Variants in PIBF1 observed in about 807,000 individuals in gnomAD.
PIBF1 encodes the protein progesterone immunomodulatory binding factor 1.
Under a neutral mutation model 112.5 loss-of-function variants are expected in PIBF1, and 90 were observed. The observed-to-expected ratio is 0.80, with a 90% CI of 0.67 to 0.95. The LOEUF (loss-of-function observed/expected upper bound fraction) is 0.95, where lower values mean the gene tolerates loss of function less well. Among genes scored for constraint, PIBF1 ranks in the 40% least tolerant of loss-of-function variants. The pLI is 0.00. For synonymous variants in PIBF1, 301 were observed against 288.6 expected, an observed-to-expected ratio of 1.04 and a Z score of -0.44; for missense variants, 915 against 852.3, an observed-to-expected ratio of 1.07 and a Z score of -0.92.
intron 13 of PIBF1, among the ~76,000 whole-genome samples, chr13:72,922,436 A>T (rs2041331263): frequency 6.6e-6 from 1 of 152,070 alleles, no homozygotes. Flanking sequence ...AGCAAACATG[A>T]TTTTCTAGTT....
chr13:72,802,306 A>G (rs1345761005), intron 5 of PIBF1, among the ~76,000 whole-genome samples: 1 of 152,188 alleles, frequency 6.6e-6, no homozygotes, highest in African/African-American at 2.4e-5. Flanking sequence ...AGTATTTTAA[A>G]ACCTTCCTGT....
At position 72,925,542 on chromosome 13, in the gene PIBF1, C is replaced by CTTTT. The variant is rs59074858; in HGVS notation, c.1731-5605_1731-5602dup. ...TTTTTTTCCTTTTTTCTTTCTCTCTCTTTTTTTTTTTTTTTTTTTTTGAGA... is the reference window on the plus strand; with the variant it reads ...TTTTTTTCCTTTTTTCTTTCTCTCTCTTTTTTTTTTTTTTTTTTTTTTTTTGAGA... On this transcript the variant is annotated intron_variant, in intron 13 of 17. Coordinates refer to ENST00000326291, the MANE Select transcript of PIBF1 (RefSeq NM_006346.4). Among the ~76,000 whole-genome samples the CTTTT allele has an allele frequency of 7.3e-3, 743 of 102,008 alleles. 6 individuals are homozygous for CTTTT. Among genetic ancestry groups the CTTTT allele is most frequent in the African/African-American group, 0.013 (352 of 26,578 alleles). The allele number at this position is 102,008 out of a possible 152,430, so 66.9% of individuals were successfully genotyped here.
chr13:72,887,679 T>C (rs2039909611), intron 10 of PIBF1, among the ~76,000 whole-genome samples: 1 of 152,066 alleles, frequency 6.6e-6, no homozygotes, highest in Non-Finnish European at 1.5e-5. Context: ...GTAAAATTAA[T>C]TTTTAAGTTG....
At chr13:72,902,556 A>G (rs1408569297) in intron 11 of PIBF1, among the ~76,000 whole-genome samples, 1 of 152,190 alleles carries the variant, frequency 6.6e-6, no homozygotes, top group Non-Finnish European at 1.5e-5. Context: ...GGAAAGAAAA[A>G]AAGCTGATCC....
At chr13:72,906,050 TGTA>T (rs966645243) in intron 11 of PIBF1, among the ~76,000 whole-genome samples, 2 of 152,266 alleles carry the variant, frequency 1.3e-5, no homozygotes, top group African/African-American at 2.4e-5. Context: ...TTAAGAATAA[TGTA>T]GTATCATAGT....
intron 10 of PIBF1, among the ~76,000 whole-genome samples, chr13:72,855,009 T>A (rs1056996069): frequency 2.0e-5 from 3 of 152,214 alleles, no homozygotes; most frequent in African/African-American, 7.2e-5. Flanking sequence ...TTCAATTGTT[T>A]GACTGCATAG....
At chr13:72,916,102 T>C (rs2041082701) in intron 12 of PIBF1, among the ~76,000 whole-genome samples, 1 of 152,002 alleles carries the variant, frequency 6.6e-6, no homozygotes, top group Admixed American at 6.6e-5. Context: ...GATGAAATGT[T>C]TTTTGGCCAG....
At chr13:72,906,115 A>G (rs946366267) in intron 11 of PIBF1, among the ~76,000 whole-genome samples, 1 of 152,124 alleles carries the variant, frequency 6.6e-6, no homozygotes, top group African/African-American at 2.4e-5. Context: ...GACAATTCTT[A>G]TTTATAATTA....
intron 16 of PIBF1, among the ~76,000 whole-genome samples, chr13:72,991,807 C>G (rs556578227): frequency 2.6e-4 from 39 of 152,166 alleles, no homozygotes; most frequent in Admixed American, 5.2e-4. Flanking sequence ...CAACCTCCAC[C>G]TCCCGGATTC....
At chr13:72,897,497 A>G (rs1390787449) in intron 11 of PIBF1, among the ~76,000 whole-genome samples, 6 of 152,204 alleles carry the variant, frequency 3.9e-5, no homozygotes, top group African/African-American at 1.4e-4. Context: ...AATGGCCTAA[A>G]TGCTCCACTT....
chr13:72,844,750 C>CACACACACGGATGAAGTCTTACTGTTT (rs2037765937), intron 9 of PIBF1, among the ~76,000 whole-genome samples: 16 of 87,552 alleles, frequency 1.8e-4, no homozygotes, highest in African/African-American at 6.7e-4. Flanking sequence ...CACACACACA[C>CACACACACGGATGAAGTCTTACTGTTT]ACACACACAC....
chr13:72,994,128 A>G (rs1199550615), intron 16 of PIBF1, among the ~76,000 whole-genome samples: 3 of 151,970 alleles, frequency 2.0e-5, no homozygotes, highest in African/African-American at 4.8e-5. Flanking sequence ...AAAAAGAAAA[A>G]AAAAGGGAGA....
intron 17 of PIBF1, among the ~76,000 whole-genome samples, chr13:73,012,009 C>T (rs2044218368): frequency 6.6e-6 from 1 of 151,934 alleles, no homozygotes; most frequent in East Asian, 1.9e-4. Context: ...TAAGAAAGAA[C>T]CCCCCCAAAA....
chr13:72,926,746 T>C (rs923797934), intron 13 of PIBF1, among the ~76,000 whole-genome samples: 5 of 152,246 alleles, frequency 3.3e-5, no homozygotes, highest in African/African-American at 7.2e-5. Flanking sequence ...CATTTCCCTC[T>C]ACCTAAAATG....
At chr13:72,957,505 A>G (rs1207793103) in intron 14 of PIBF1, among the ~76,000 whole-genome samples, 1 of 152,010 alleles carries the variant, frequency 6.6e-6, no homozygotes. Context: ...GACTTTGGGG[A>G]CTCATGGGGA....
At chr13:72,849,204 AAC>A (rs1284589032) in intron 9 of PIBF1, among the ~76,000 whole-genome samples, 1 of 152,230 alleles carries the variant, frequency 6.6e-6, no homozygotes, top group African/African-American at 2.4e-5. Context: ...AATCATGAAA[AAC>A]ACAGTGTTGG....
chr13:72,785,767 C>T (rs527984652), intron 2 of PIBF1, among the ~76,000 whole-genome samples: 1 of 152,260 alleles, frequency 6.6e-6, no homozygotes, highest in African/African-American at 2.4e-5. Context: ...ATTAATTCAC[C>T]CACTCAGTCA....
intron 12 of PIBF1, among the ~76,000 whole-genome samples, chr13:72,915,370 T>C (rs1429023182): frequency 1.3e-5 from 2 of 152,316 alleles, no homozygotes; most frequent in South Asian, 4.1e-4. Context: ...CAGATCTCTT[T>C]AATAGCATTG....
chr13:72,791,840 G>A (rs1460036481), intron 2 of PIBF1, among the ~76,000 whole-genome samples: 1 of 151,562 alleles, frequency 6.6e-6, no homozygotes, highest in Non-Finnish European at 1.5e-5. Flanking sequence ...CACCATGCTG[G>A]CCAGGCTTAT....
Sources: gnomAD v4.1 joint callset for allele counts (sites outside exome capture counted in the v4.1 genomes callset) on GRCh38, gnomAD v4.1.1 for gene constraint, MANE v1.5 for transcripts, NCBI Gene and HGNC (gene_info 2026-07-23, HGNC 2026-07-21) for gene names.